The following NPL variants were observed in gnomAD, a reference collection of about 807,000 sequenced individuals.
NPL encodes the protein N-acetylneuraminate pyruvate lyase.
A neutral mutation model predicts 41.1 loss-of-function variants in NPL; 32 were observed. That is an observed-to-expected ratio of 0.78 (90% CI 0.59 to 1.05). The LOEUF (loss-of-function observed/expected upper bound fraction) is 1.05. Ranked by LOEUF, NPL falls within the 50% of genes least tolerant of loss-of-function variation. The probability of loss-of-function intolerance (pLI) is 0.00; values close to 1 mark genes in which losing one functional copy is unlikely to be tolerated. For synonymous variants in NPL, 128 were observed against 134.9 expected (o/e 0.95, Z 0.35); for missense variants, 321 against 378.4 (o/e 0.85, Z 1.26).
At chr1:182,801,845 CAAAA>C (rs1008453721) in intron 3 of NPL, among the ~76,000 whole-genome samples, 1 of 151,824 alleles carries the variant, frequency 6.6e-6, no homozygotes, top group Non-Finnish European at 1.5e-5. Context: ...TCCAAAAAAA[CAAAA>C]AAATGTTGGA....
Position 182,818,421 on chromosome 1 carries a change from G to C in NPL, c.458-120G>C, listed in dbSNP as rs1454912006. 4.0e-6 allele frequency: 5 copies of C among 1,255,164 alleles called. No individual in the cohort carries two copies. In the African/African-American group the frequency reaches 5.9e-5, roughly 15 times the overall value. 77.8% of individuals were successfully genotyped at this position (1,255,164 alleles called of 1,614,324 possible). On this transcript the variant is annotated intron_variant, in intron 8 of 12. Transcript: ENST00000367553. ...AGTCAGGGACCAGTGATTATGCCTA[G>C]TCTGCAGTCAGTTCTGGCTGACAGC...
At chr1:182,818,319 C>T (rs971720716) in intron 8 of NPL, among the ~76,000 whole-genome samples, 2 of 152,182 alleles carry the variant, frequency 1.3e-5, no homozygotes, top group Non-Finnish European at 2.9e-5. Flanking sequence ...TATATTTACA[C>T]TTCACAAATA....
intron 7 of NPL, among the ~76,000 whole-genome samples, chr1:182,815,877 A>T (rs1667315327): frequency 6.6e-6 from 1 of 152,234 alleles, no homozygotes; most frequent in Non-Finnish European, 1.5e-5. Flanking sequence ...TACTGGGATT[A>T]CAGGCATGAG....
chr1:182,792,555 A>G (rs1162710630), intron 2 of NPL, among the ~76,000 whole-genome samples: 3 of 152,240 alleles, frequency 2.0e-5, no homozygotes, highest in Non-Finnish European at 4.4e-5. Context: ...GAGGGTGGTC[A>G]CATGAAGCTC....
rs1373558948 is a variant in NPL at position 182,829,465 on chromosome 1, A to C, written c.*557A>C. 1 of 1,450,422 alleles carries C rather than the reference A, an allele frequency of 6.9e-7. No individual in the cohort carries two copies. The highest frequency in any genetic ancestry group is 9.1e-7 in the Non-Finnish European group (1 of 1,102,182). 89.8% of individuals were successfully genotyped at this position (1,450,422 alleles called of 1,614,324 possible). A position where few individuals can be genotyped will look rare whatever the true frequency, so the allele number is the denominator to read the frequency against. ...CTTTTGAATTCATTTCGATGTCACC[A>C]CTTTTCGCTCTTTAAAAACACTGGG... On this transcript the variant is annotated 3_prime_UTR_variant, in exon 13 of 13. Coordinates refer to ENST00000367553, the MANE Select transcript of NPL (RefSeq NM_030769.3).
chr1:182,818,455 G>A, intron 8 of NPL, 86 bp from the exon 9 acceptor site: 1 of 1,550,184 alleles, frequency 6.5e-7, no homozygotes, highest in East Asian at 2.2e-5. Context: ...GCAGCGTGTG[G>A]CAGCTCACTG....
intron 4 of NPL, among the ~76,000 whole-genome samples, chr1:182,805,002 C>T (rs912141906): frequency 3.3e-5 from 5 of 152,202 alleles, no homozygotes; most frequent in African/African-American, 1.2e-4. Flanking sequence ...TTTCCGACTT[C>T]CCTCCCCTGC....
rs34754700 is a variant in NPL at position 182,817,955 on chromosome 1, A to G, written c.458-586A>G. Among the ~76,000 whole-genome samples, 399 of 152,230 alleles carry G rather than the reference A, an allele frequency of 2.6e-3. 1 individual carries two copies. Among genetic ancestry groups the G allele is most frequent in the Non-Finnish European group, 2.9e-3 (194 of 68,012 alleles). On this transcript the variant is annotated intron_variant, in intron 8 of 12. Coordinates refer to ENST00000367553, the MANE Select transcript of NPL (RefSeq NM_030769.3). ...TCATTGGCCATGGGTGATCAGCTCAATCTTTAGCCCGGCTTTCCTCCCCAG... is the reference window on the plus strand; with the variant it reads ...TCATTGGCCATGGGTGATCAGCTCAGTCTTTAGCCCGGCTTTCCTCCCCAG...
Position 182,803,839 on chromosome 1 carries a change from T to G in NPL, c.142+68T>G, listed in dbSNP as rs1338304950. 9 of 1,123,206 alleles carry G rather than the reference T, an allele frequency of 8.0e-6. No individual in the cohort carries two copies. In the African/African-American group the frequency reaches 1.1e-4, roughly 13 times the overall value. The allele number at this position is 1,123,206 out of a possible 1,614,324, so 69.6% of individuals were successfully genotyped here. ...TCTTTAGAAGGTATATCTTACCTGG[T>G]TACCAGCCAAGAGGTCACACAGTCA... On this transcript the variant is annotated intron_variant, in intron 4 of 12. Coordinates refer to ENST00000367553, the MANE Select transcript of NPL (RefSeq NM_030769.3).
Position 182,816,795 on chromosome 1 carries a change from CAG to C in NPL, c.447_448del (p.Val151LysfsTer5), listed in dbSNP as rs1194698975. ...TATTACTATCACATTCCTGCCTTGA[CAG>C]GGGTAAAGAGTAAGTACTGCTTCTG... On this transcript the variant is annotated frameshift_variant, in exon 8 of 13. Transcript: ENST00000367553. LOFTEE classifies it high-confidence loss of function. The C allele has an allele frequency of 6.8e-6, 11 of 1,612,138 alleles. No homozygotes were observed. The highest frequency in any genetic ancestry group is 2.7e-5 in the African/African-American group (2 of 74,886).
At chr1:182,789,980 A>G (rs1666451549) in intron 1 of NPL, among the ~76,000 whole-genome samples, 175 bp downstream of exon 1, 1 of 152,222 alleles carries the variant, frequency 6.6e-6, no homozygotes, top group African/African-American at 2.4e-5. Flanking sequence ...GGAAGGTGTG[A>G]ATGCGAAAAG....
chr1:182,818,978 C>T, intron 10 of NPL, 119 bp downstream of exon 10: 1 of 907,084 alleles, frequency 1.1e-6, no homozygotes, highest in Non-Finnish European at 1.8e-6. Flanking sequence ...TTCTTTTCCA[C>T]ATTCTTCCAG....
rs962628255 is a variant in NPL, at chr1:182,829,283, G to A, written c.*375G>A. 2.5e-6 allele frequency: 3 copies of A among 1,184,952 alleles called. No individual in the cohort carries two copies. Among genetic ancestry groups the A allele is most frequent in the African/African-American group, 3.2e-5 (2 of 62,908 alleles). 73.4% of individuals were successfully genotyped at this position (1,184,952 alleles called of 1,614,324 possible). A position where few individuals can be genotyped will look rare whatever the true frequency, so the allele number is the denominator to read the frequency against. The stretch of plus-strand genomic sequence containing the variant: ...GTCTAATTTTAAACCACTATAATAT[G>A]TCTTCATTTTAATAAATATTCATTT... On this transcript the variant is annotated 3_prime_UTR_variant, in exon 13 of 13. Transcript: ENST00000367553.
chr1:182,799,843 T>G (rs1280784126), intron 3 of NPL, among the ~76,000 whole-genome samples: 1 of 150,640 alleles, frequency 6.6e-6, no homozygotes, highest in East Asian at 2.0e-4. Flanking sequence ...AATATAAAAA[T>G]GACTACAGCA....
chr1:182,824,279 A>G (rs958845562), intron 11 of NPL, among the ~76,000 whole-genome samples: 2 of 152,260 alleles, frequency 1.3e-5, no homozygotes, highest in African/African-American at 4.8e-5. Flanking sequence ...GGAAAGATCT[A>G]CATGCTATGT....
At chr1:182,801,669 G>A (rs911363776) in intron 3 of NPL, among the ~76,000 whole-genome samples, 1 of 152,118 alleles carries the variant, frequency 6.6e-6, no homozygotes, top group Non-Finnish European at 1.5e-5. Context: ...GGGCAACATA[G>A]TGAGGTCTCA....
At position 182,806,193 on chromosome 1, in the gene NPL, G is replaced by T; in HGVS notation, c.191G>T (p.Arg64Leu). 6.2e-7 allele frequency: 1 copy of T among 1,614,198 alleles called. No homozygotes were observed. The highest frequency in any genetic ancestry group is 8.5e-7 in the Non-Finnish European group (1 of 1,180,048). The change falls in exon 5 of 13, where the codon CGC becomes CTC. Residue 64 changes from arginine to leucine, a missense_variant. By Grantham distance (102) the Arg-to-Leu change is moderately radical (BLOSUM62 -2). Coordinates refer to ENST00000367553, the MANE Select transcript of NPL (RefSeq NM_030769.3). ...CTGTCCCTGAGCGTCTCAGAGCGTC[G>T]CCAGGTTGCAGAGGAGTGGGTGACA... ...EGLSLSVSER[R>L]QVAEEWVTKG...
At chr1:182,800,624 G>A (rs1666816187) in intron 3 of NPL, among the ~76,000 whole-genome samples, 1 of 151,904 alleles carries the variant, frequency 6.6e-6, no homozygotes, top group African/African-American at 2.4e-5. Flanking sequence ...GAGTCAGGCA[G>A]GGATCTGAAA....
intron 1 of NPL, among the ~76,000 whole-genome samples, chr1:182,790,396 A>G (rs372036399): frequency 6.6e-6 from 1 of 152,362 alleles, no homozygotes; most frequent in Non-Finnish European, 1.5e-5. Context: ...TGTTTCAGTA[A>G]TAATCTAAAT....
Sources: allele counts gnomAD v4.1 joint callset (sites outside exome capture counted in the v4.1 genomes callset), GRCh38; gene constraint gnomAD v4.1.1; transcripts MANE v1.5; gene names NCBI Gene and HGNC (gene_info 2026-07-23, HGNC 2026-07-21).